The following CUX2 variants were observed in gnomAD, a reference collection of about 807,000 sequenced individuals.
The protein encoded by CUX2 is cut like homeobox 2, also known as homeobox protein cut-like 2.
CUX2 carries 40 observed loss-of-function variants against 144.8 expected under a neutral mutation model. That is an observed-to-expected ratio of 0.28 (90% CI 0.21 to 0.36). The LOEUF is 0.36. CUX2 is among the 10% of genes least tolerant of loss of function. The pLI is 1.00. For synonymous variants in CUX2, 827 were observed against 875.6 expected (o/e 0.94, Z 0.98); for missense variants, 1,615 against 1,994.0 (o/e 0.81, Z 3.62).
chr12:111,283,291 C>G lies in CUX2; in HGVS notation c.302-8127C>G, dbSNP rs1184751876. On this transcript the variant is annotated intron_variant, in intron 4 of 21. Coordinates refer to ENST00000261726, the MANE Select transcript of CUX2 (RefSeq NM_015267.4). ...AGGCCTTCAGGATGTGGGTCTGCAG[C>G]AGACAGGGTCACAGTTCAGTCCATG... Among the ~76,000 whole-genome samples, 4 of 152,050 alleles carry G rather than the reference C, an allele frequency of 2.6e-5. No homozygotes were observed. In the East Asian group the frequency reaches 5.8e-4, roughly 22 times the overall value.
At chr12:111,337,214 G>A (rs1428800308) in intron 19 of CUX2, among the ~76,000 whole-genome samples, 1 of 151,866 alleles carries the variant, frequency 6.6e-6, no homozygotes, top group Non-Finnish European at 1.5e-5. Context: ...TTAGCCAGGT[G>A]TGGTGGCTTA....
At chr12:111,063,374 G>A (rs1406225305) in intron 1 of CUX2, among the ~76,000 whole-genome samples, 1 of 152,152 alleles carries the variant, frequency 6.6e-6, no homozygotes, top group East Asian at 1.9e-4. Context: ...ATTGCTCCAG[G>A]CGTGCAGCCT....
intron 3 of CUX2, among the ~76,000 whole-genome samples, chr12:111,230,198 G>C (rs1029797660): frequency 1.3e-5 from 2 of 150,384 alleles, no homozygotes; most frequent in Non-Finnish European, 3.0e-5. Context: ...AAGCAGGAGA[G>C]GGGGGGAGGG....
intron 1 of CUX2, among the ~76,000 whole-genome samples, chr12:111,188,930 A>G (rs895574748): frequency 2.0e-5 from 3 of 152,108 alleles, no homozygotes; most frequent in Non-Finnish European, 4.4e-5. Flanking sequence ...ATTCAGGAGT[A>G]TTTTGGGCAG....
At chr12:111,121,342 C>A (rs1366774721) in intron 1 of CUX2, among the ~76,000 whole-genome samples, 1 of 113,704 alleles carries the variant, frequency 8.8e-6, no homozygotes, top group Non-Finnish European at 2.0e-5. Context: ...TGTGTTTTTT[C>A]TTTCTTTTTG....
At chr12:111,244,897 C>T (rs1027973882) in intron 3 of CUX2, among the ~76,000 whole-genome samples, 2 of 152,190 alleles carry the variant, frequency 1.3e-5, no homozygotes, top group Non-Finnish European at 2.9e-5. Context: ...AAAATCTACT[C>T]ACACATGATT....
chr12:111,297,682 G>C (rs901640259), intron 8 of CUX2, among the ~76,000 whole-genome samples: 1 of 152,210 alleles, frequency 6.6e-6, no homozygotes, highest in African/African-American at 2.4e-5. Context: ...AGCACCTGCT[G>C]TTTATCCAGT....
At chr12:111,091,639 C>G (rs1244030792) in intron 1 of CUX2, among the ~76,000 whole-genome samples, 1 of 152,212 alleles carries the variant, frequency 6.6e-6, no homozygotes, top group Non-Finnish European at 1.5e-5. Context: ...TAACAAATTA[C>G]CACCAACTAA....
At position 111,035,352 on chromosome 12, in the gene CUX2, C is replaced by A. The variant is rs553474089; in HGVS notation, c.63+1112C>A. Among the ~76,000 whole-genome samples, 268 of 152,186 alleles carry A rather than the reference C, an allele frequency of 1.8e-3. No homozygotes were observed. Among genetic ancestry groups the A allele is most frequent in the African/African-American group, 6.1e-3 (253 of 41,530 alleles). ...AGATTTGGAGGTGTTCTCTGCGGAC[C>A]CCGTAGGAGCCGGGGCTGGGAGGTG... is the stretch of plus-strand genomic sequence containing the variant. On this transcript the variant is annotated intron_variant, in intron 1 of 21. Coordinates refer to ENST00000261726, the MANE Select transcript of CUX2 (RefSeq NM_015267.4). The surrounding 1 kb of genome is among the most constrained non-coding windows in gnomAD (Gnocchi z 6.0).
intron 4 of CUX2, among the ~76,000 whole-genome samples, chr12:111,280,212 C>T (rs955041754): frequency 6.6e-6 from 1 of 152,146 alleles, no homozygotes; most frequent in African/African-American, 2.4e-5. Flanking sequence ...TCGCTTGAAC[C>T]CGGGAGACGG....
At chr12:111,237,815 C>T (rs1882833221) in intron 3 of CUX2, among the ~76,000 whole-genome samples, 1 of 152,176 alleles carries the variant, frequency 6.6e-6, no homozygotes, top group African/African-American at 2.4e-5. Context: ...GCCTTTGCAC[C>T]TGTTCTTCCC....
intron 1 of CUX2, among the ~76,000 whole-genome samples, chr12:111,040,948 A>G (rs1267722133): frequency 6.6e-6 from 1 of 152,226 alleles, no homozygotes; most frequent in Non-Finnish European, 1.5e-5. Flanking sequence ...CATGGCTGTC[A>G]TATATAGGCT....
At chr12:111,278,727 C>T (rs533337914) in intron 4 of CUX2, among the ~76,000 whole-genome samples, 2 of 152,286 alleles carry the variant, frequency 1.3e-5, no homozygotes, top group Non-Finnish European at 2.9e-5. Context: ...GTTTTCCAAA[C>T]ATTTTAAAGA....
intron 1 of CUX2, among the ~76,000 whole-genome samples, chr12:111,105,333 C>T (rs935316678): frequency 5.3e-5 from 8 of 152,296 alleles, no homozygotes; most frequent in Non-Finnish European, 7.3e-5. Flanking sequence ...CTCGGGGGCC[C>T]GATGCTGGTT....
At chr12:111,217,330 G>A (rs941022088) in intron 2 of CUX2, among the ~76,000 whole-genome samples, 1 of 152,210 alleles carries the variant, frequency 6.6e-6, no homozygotes, top group African/African-American at 2.4e-5. Flanking sequence ...AGGAGAGTCA[G>A]TTACACAAGT....
chr12:111,268,969 G>A (rs1182712469), intron 4 of CUX2, among the ~76,000 whole-genome samples: 1 of 152,210 alleles, frequency 6.6e-6, no homozygotes, highest in Non-Finnish European at 1.5e-5. Context: ...TGAGATATGC[G>A]TGTGCTTTCA....
At position 111,347,850 on chromosome 12, in the gene CUX2, A is replaced by G. The variant is rs759779941; in HGVS notation, c.3986A>G (p.Lys1329Arg). 22 of 1,613,954 alleles carry G rather than the reference A, an allele frequency of 1.4e-5. No homozygotes were observed. The highest frequency in any genetic ancestry group is 4.0e-5 in the African/African-American group (3 of 74,886). ...CTGGACAAAGGCCAAGGTCCCCCCAAAGAGGAGCATCCCGACCCTCCGGGT... is the reference window on the plus strand; with the variant it reads ...CTGGACAAAGGCCAAGGTCCCCCCAGAGAGGAGCATCCCGACCCTCCGGGT... Reference protein sequence around the residue: ...GELDKGQGPPKEEHPDPPGND... With the variant: ...GELDKGQGPPREEHPDPPGND... The change falls in exon 22 of 22, where the codon AAA (lysine) becomes AGA (arginine). Residue 1329 changes from lysine (K) to arginine (R), a missense_variant. Lys to Arg is a conservative substitution (Grantham distance 26, BLOSUM62 2). Transcript: ENST00000261726.
intron 3 of CUX2, among the ~76,000 whole-genome samples, chr12:111,258,806 C>T (rs1022846627): frequency 2.6e-5 from 4 of 152,164 alleles, no homozygotes; most frequent in African/African-American, 9.7e-5. Context: ...CTACTTCAGC[C>T]TCCTGAGTAG....
intron 4 of CUX2, among the ~76,000 whole-genome samples, chr12:111,273,467 C>A (rs552675707): frequency 1.3e-5 from 2 of 152,254 alleles, no homozygotes; most frequent in African/African-American, 4.8e-5. Flanking sequence ...TACCCACTAC[C>A]CCAGTTGCAA....
Sources: allele counts gnomAD v4.1 joint callset (sites outside exome capture counted in the v4.1 genomes callset), GRCh38; gene constraint gnomAD v4.1.1; non-coding constraint Gnocchi (gnomAD v3.1); transcripts MANE v1.5; gene names NCBI Gene and HGNC (gene_info 2026-07-23, HGNC 2026-07-21).